ARHGAP15: variants seen among roughly 807,000 people sequenced by gnomAD.
The protein encoded by ARHGAP15 is rho GTPase-activating protein 15.
ARHGAP15 carries 51 observed loss-of-function variants against 63.7 expected under a neutral mutation model. That is an observed-to-expected ratio of 0.80 (90% confidence interval 0.64 to 1.01). The LOEUF (loss-of-function observed/expected upper bound fraction) is 1.01, where lower values mean the gene tolerates loss of function less well. ARHGAP15 is among the 50% of genes least tolerant of loss of function. ARHGAP15 has a pLI of 0.00. For missense variants in ARHGAP15, 560 were observed against 564.6 expected (o/e 0.99, Z 0.08); for synonymous variants, 191 against 193.8 (o/e 0.99, Z 0.12).
At chr2:143,663,168 A>C (rs1574798152) in intron 12 of ARHGAP15, among the ~76,000 whole-genome samples, 1 of 123,384 alleles carries the variant, frequency 8.1e-6, no homozygotes, top group East Asian at 2.6e-4. Context: ...CCAGAGAGAA[A>C]GGTCGGGTTA....
At chr2:143,632,350 T>C (rs1680082969) in intron 12 of ARHGAP15, among the ~76,000 whole-genome samples, 2 of 152,114 alleles carry the variant, frequency 1.3e-5, no homozygotes, top group Non-Finnish European at 2.9e-5. Flanking sequence ...TGTGTTCATA[T>C]ATATATACAT....
intron 1 of ARHGAP15, among the ~76,000 whole-genome samples, chr2:143,149,558 A>T (rs79284789): frequency 0.019 from 2,910 of 152,124 alleles, 87 homozygotes; most frequent in African/African-American, 0.065. Context: ...AAGAAGATAC[A>T]GGGCTTTTGG....
intron 1 of ARHGAP15, among the ~76,000 whole-genome samples, chr2:143,145,531 A>G (rs1689546201): frequency 6.6e-6 from 1 of 152,044 alleles, no homozygotes; most frequent in South Asian, 2.1e-4. Flanking sequence ...AAAACCTCCT[A>G]GTTGATAACA....
chr2:143,194,782 G>A (rs1248133429), intron 2 of ARHGAP15, among the ~76,000 whole-genome samples: 2 of 152,142 alleles, frequency 1.3e-5, no homozygotes, highest in Non-Finnish European at 2.9e-5. Context: ...TCAGCAATAA[G>A]CAAGAAAATG....
intron 9 of ARHGAP15, among the ~76,000 whole-genome samples, chr2:143,492,909 T>A (rs1036259998): frequency 3.4e-5 from 5 of 147,576 alleles, no homozygotes; most frequent in African/African-American, 7.4e-5. Context: ...TACAAAAAAA[T>A]TAGCCAGCCG....
intron 11 of ARHGAP15, among the ~76,000 whole-genome samples, chr2:143,568,500 A>T (rs1450390678): frequency 6.6e-6 from 1 of 152,244 alleles, no homozygotes; most frequent in Non-Finnish European, 1.5e-5. Context: ...CGATCATTAA[A>T]AAGTCAGGAA....
intron 8 of ARHGAP15, among the ~76,000 whole-genome samples, chr2:143,439,199 G>A (rs112022189): frequency 0.057 from 8,635 of 151,840 alleles, 315 homozygotes; most frequent in East Asian, 0.14. Flanking sequence ...AAGGCGGGTG[G>A]ATCACCTGAG....
At chr2:143,196,764 G>A (rs760793850) in intron 2 of ARHGAP15, among the ~76,000 whole-genome samples, 1 of 151,804 alleles carries the variant, frequency 6.6e-6, no homozygotes, top group Non-Finnish European at 1.5e-5. Flanking sequence ...ATATATACAT[G>A]TTCTATTCTG....
chr2:143,525,462 G>GT (rs5834956), intron 10 of ARHGAP15, among the ~76,000 whole-genome samples: 107 of 146,454 alleles, frequency 7.3e-4, no homozygotes, highest in African/African-American at 1.7e-3. Flanking sequence ...CTATGTTTTT[G>GT]TTTTTTTTTT....
At chr2:143,687,933 T>C (rs1158547508) in intron 12 of ARHGAP15, among the ~76,000 whole-genome samples, 1 of 152,114 alleles carries the variant, frequency 6.6e-6, no homozygotes, top group Non-Finnish European at 1.5e-5. Flanking sequence ...ATCTAAACAA[T>C]TGTACAAAAT....
At chr2:143,417,343 TTTC>T (rs1688734915) in intron 6 of ARHGAP15, among the ~76,000 whole-genome samples, 1 of 152,240 alleles carries the variant, frequency 6.6e-6, no homozygotes. Context: ...TTACACATAC[TTTC>T]TTCTTTCTCC....
intron 13 of ARHGAP15, among the ~76,000 whole-genome samples, chr2:143,730,818 G>A (rs186428397): frequency 8.0e-5 from 12 of 149,328 alleles, no homozygotes; most frequent in Admixed American, 6.7e-4. Flanking sequence ...TTGTTTGGGT[G>A]GTGTGTGGGA....
chr2:143,380,087 C>T lies in ARHGAP15; in HGVS notation c.475-55514C>T, dbSNP rs183792590. Among the ~76,000 whole-genome samples, 31 of 152,124 alleles carry T rather than the reference C, an allele frequency of 2.0e-4. No homozygotes were observed. In the East Asian group the frequency reaches 5.4e-3, roughly 27 times the overall value. On this transcript the variant is annotated intron_variant, in intron 6 of 13. Coordinates refer to ENST00000295095, the MANE Select transcript of ARHGAP15 (RefSeq NM_018460.4). ...GTTATAGCCCTCAAGCAGATCTAATCTAATTGGAGAATTGAGTAGGCAACT... is the reference window on the plus strand; with the variant it reads ...GTTATAGCCCTCAAGCAGATCTAATTTAATTGGAGAATTGAGTAGGCAACT...
chr2:143,153,173 A>G (rs1689901703), intron 1 of ARHGAP15, among the ~76,000 whole-genome samples: 1 of 151,960 alleles, frequency 6.6e-6, no homozygotes. Context: ...CGGTTGGGCT[A>G]TGTAAACACC....
chr2:143,191,671 G>A (rs909871967), intron 2 of ARHGAP15, among the ~76,000 whole-genome samples: 1 of 152,276 alleles, frequency 6.6e-6, no homozygotes, highest in African/African-American at 2.4e-5. Context: ...AACTTTGATA[G>A]CTAAATCATA....
chr2:143,270,644 T>A (rs1340608619), intron 6 of ARHGAP15, among the ~76,000 whole-genome samples: 1 of 152,234 alleles, frequency 6.6e-6, no homozygotes, highest in African/African-American at 2.4e-5. Flanking sequence ...CTCAGAGACA[T>A]TTTATTTCTT....
chr2:143,184,913 C>T (rs1246332682), intron 2 of ARHGAP15, among the ~76,000 whole-genome samples: 1 of 151,018 alleles, frequency 6.6e-6, no homozygotes, highest in Non-Finnish European at 1.5e-5. Context: ...ACACATCTGA[C>T]CTCAATCAAT....
rs1686676609 is a variant in ARHGAP15, at chr2:143,759,177, C to T, written c.1245-8812C>T. Among the ~76,000 whole-genome samples the T allele has an allele frequency of 2.0e-5, 3 of 152,046 alleles. No homozygotes were observed. In the South Asian group the frequency reaches 6.2e-4, roughly 32 times the overall value. On this transcript the variant is annotated intron_variant, in intron 13 of 13. Coordinates refer to ENST00000295095, the MANE Select transcript of ARHGAP15 (RefSeq NM_018460.4). Reference sequence around the variant, plus strand: ...TGTCTCCAGATATTGCCAAATCTCTCATAGGTGGAGGGGTGGGGCTTGGGA... The same window carrying T: ...TGTCTCCAGATATTGCCAAATCTCTTATAGGTGGAGGGGTGGGGCTTGGGA...
chr2:143,755,166 C>T (rs1022592967), intron 13 of ARHGAP15, among the ~76,000 whole-genome samples: 1 of 152,058 alleles, frequency 6.6e-6, no homozygotes, highest in East Asian at 1.9e-4. Context: ...ATACAGGAAT[C>T]TCAAACATCC....
Sources: allele counts gnomAD v4.1 joint callset (sites outside exome capture counted in the v4.1 genomes callset), GRCh38; gene constraint gnomAD v4.1.1; transcripts MANE v1.5; gene names NCBI Gene and HGNC (gene_info 2026-07-23, HGNC 2026-07-21).